PAG1: variants seen among roughly 807,000 people sequenced by gnomAD.
PAG1 encodes phosphoprotein membrane anchor with glycosphingolipid microdomains 1.
Under a neutral mutation model 31.7 loss-of-function variants are expected in PAG1, and 23 were observed. That is an observed-to-expected ratio of 0.73 (90% CI 0.52 to 1.03). PAG1 has a LOEUF of 1.03. Among genes scored for constraint, PAG1 ranks in the 50% least tolerant of loss-of-function variants. The probability of loss-of-function intolerance (pLI) is 0.00; values close to 1 mark genes in which losing one functional copy is unlikely to be tolerated. For missense variants in PAG1, 473 were observed against 540.7 expected, an observed-to-expected ratio of 0.87 and a Z score of 1.24; for synonymous variants, 214 against 210.3, an observed-to-expected ratio of 1.02 and a Z score of -0.15.
At chr8:81,024,952 G>T (rs1808249953) in intron 3 of PAG1, among the ~76,000 whole-genome samples, 1 of 151,824 alleles carries the variant, frequency 6.6e-6, no homozygotes, top group African/African-American at 2.4e-5. Context: ...AACTCTTCTG[G>T]AACAAAACAG....
intron 3 of PAG1, among the ~76,000 whole-genome samples, chr8:80,996,876 G>A (rs1177413251): frequency 6.6e-6 from 1 of 152,236 alleles, no homozygotes; most frequent in Non-Finnish European, 1.5e-5. Context: ...GGGGGAGACA[G>A]TAAGCGGATA....
At chr8:81,019,743 G>C (rs145566635) in intron 3 of PAG1, among the ~76,000 whole-genome samples, 47 of 152,330 alleles carry the variant, frequency 3.1e-4, no homozygotes, top group Non-Finnish European at 6.2e-4. Flanking sequence ...AGAAAATGTG[G>C]AGTTGATACC....
At chr8:81,057,172 A>G (rs1057100523) in intron 2 of PAG1, among the ~76,000 whole-genome samples, 2 of 152,184 alleles carry the variant, frequency 1.3e-5, no homozygotes, top group Non-Finnish European at 1.5e-5. Context: ...CGATTCCTCA[A>G]GGGTCTAGAA....
chr8:81,092,376 T>C (rs1024293663), intron 1 of PAG1, among the ~76,000 whole-genome samples: 1 of 152,154 alleles, frequency 6.6e-6, no homozygotes, highest in Non-Finnish European at 1.5e-5. Flanking sequence ...AAAGCAAGAC[T>C]CTGTCTCAAA....
At chr8:81,000,206 T>A (rs1807760335) in intron 3 of PAG1, among the ~76,000 whole-genome samples, 1 of 152,164 alleles carries the variant, frequency 6.6e-6, no homozygotes, top group South Asian at 2.1e-4. Context: ...TCCCACCATA[T>A]TCCTAGCACC....
chr8:81,037,505 C>A (rs917072859), intron 2 of PAG1, among the ~76,000 whole-genome samples: 5 of 152,176 alleles, frequency 3.3e-5, no homozygotes, highest in African/African-American at 9.7e-5. Flanking sequence ...GAAAAGAAAT[C>A]TTTCTTGTTG....
chr8:81,096,220 G>T (rs563352940), intron 1 of PAG1, among the ~76,000 whole-genome samples: 2 of 152,132 alleles, frequency 1.3e-5, no homozygotes, highest in African/African-American at 2.4e-5. Context: ...CACTCATGTT[G>T]TAAGTGTTCT....
chr8:81,085,681 G>A (rs941900114), intron 1 of PAG1, among the ~76,000 whole-genome samples: 4 of 152,212 alleles, frequency 2.6e-5, no homozygotes, highest in Non-Finnish European at 5.9e-5. Flanking sequence ...AAGGACACAT[G>A]ACACATCCTT....
intron 1 of PAG1, among the ~76,000 whole-genome samples, chr8:81,087,711 C>T (rs1288167006): frequency 6.6e-6 from 1 of 152,174 alleles, no homozygotes; most frequent in Non-Finnish European, 1.5e-5. Context: ...AGAACAAGCC[C>T]AGCTAATGTT....
At chr8:81,065,601 T>C (rs1408347958) in intron 2 of PAG1, among the ~76,000 whole-genome samples, 2 of 152,066 alleles carry the variant, frequency 1.3e-5, no homozygotes, top group Non-Finnish European at 2.9e-5. Flanking sequence ...AGACTGCTAA[T>C]AAAAAACTGG....
In PAG1 at chr8:81,032,515, C is replaced by G. The variant is rs72674039; in HGVS notation, c.-174-2426G>C. Among the ~76,000 whole-genome samples, 429 of 152,278 alleles carry G rather than the reference C, an allele frequency of 2.8e-3. 1 individual carries two copies. The highest frequency in any genetic ancestry group is 3.6e-3 in the Non-Finnish European group (245 of 68,014). On this transcript the variant is annotated intron_variant, in intron 2 of 8. Transcript: ENST00000220597. ...AGTGCAAATCAACCACAATGAGATACCACTTCATACCTTCCTAGTGATTTG... is the reference window on the plus strand; with the variant it reads ...AGTGCAAATCAACCACAATGAGATAGCACTTCATACCTTCCTAGTGATTTG...
chr8:81,050,642 C>T (rs1204247479), intron 2 of PAG1, among the ~76,000 whole-genome samples: 18 of 152,068 alleles, frequency 1.2e-4, no homozygotes, highest in Admixed American at 1.2e-3. Context: ...AATTCATGTG[C>T]GGTAAATACA....
At position 81,000,862 on chromosome 8, in the gene PAG1, C is replaced by G. The variant is rs184013779; in HGVS notation, c.-80-7555G>C. On this transcript the variant is annotated intron_variant, in intron 3 of 8. Coordinates refer to ENST00000220597, the MANE Select transcript of PAG1 (RefSeq NM_018440.4). ...ACCGTAATATCAGTGTCTTCATCCCCCGCAGCAGGCCTGTCAACTCCAGTA... is the reference window on the plus strand; with the variant it reads ...ACCGTAATATCAGTGTCTTCATCCCGCGCAGCAGGCCTGTCAACTCCAGTA... Among the ~76,000 whole-genome samples the G allele has an allele frequency of 3.2e-4, 49 of 152,266 alleles. 1 individual carries two copies. In the East Asian group the frequency reaches 8.9e-3, roughly 28 times the overall value.
chr8:81,063,538 G>GT (rs1004552462), intron 2 of PAG1, among the ~76,000 whole-genome samples: 11 of 151,574 alleles, frequency 7.3e-5, no homozygotes, highest in African/African-American at 9.7e-5. Flanking sequence ...ATTTTTTAAA[G>GT]TTTTTTTTTA....
chr8:81,077,466 C>A (rs1236877517), intron 1 of PAG1, among the ~76,000 whole-genome samples: 3 of 152,214 alleles, frequency 2.0e-5, no homozygotes, highest in Admixed American at 2.0e-4. Flanking sequence ...GCAGGGAACA[C>A]TGCAATAATG....
At chr8:81,026,389 G>C (rs1450022959) in intron 3 of PAG1, among the ~76,000 whole-genome samples, 1 of 150,020 alleles carries the variant, frequency 6.7e-6, no homozygotes, top group African/African-American at 2.5e-5. Flanking sequence ...AAGAGTGTCA[G>C]TAAGTGTTTA....
At chr8:81,065,417 C>T (rs1808987221) in intron 2 of PAG1, among the ~76,000 whole-genome samples, 1 of 151,970 alleles carries the variant, frequency 6.6e-6, no homozygotes, top group Non-Finnish European at 1.5e-5. Context: ...GTGAAATCTG[C>T]CAATTTCTCA....
At chr8:81,038,828 C>T (rs1486156119) in intron 2 of PAG1, among the ~76,000 whole-genome samples, 2 of 152,100 alleles carry the variant, frequency 1.3e-5, no homozygotes, top group Non-Finnish European at 2.9e-5. Flanking sequence ...ATATGTATGA[C>T]ATTTAGTTTC....
intron 3 of PAG1, among the ~76,000 whole-genome samples, chr8:81,002,190 C>A (rs1032474917): frequency 2.0e-5 from 3 of 151,636 alleles, no homozygotes; most frequent in Non-Finnish European, 4.4e-5. Flanking sequence ...TATTTGGCTT[C>A]TGAGGGCAGT....
Sources: gnomAD v4.1 joint callset for allele counts (sites outside exome capture counted in the v4.1 genomes callset) on GRCh38, gnomAD v4.1.1 for gene constraint, MANE v1.5 for transcripts, NCBI Gene and HGNC (gene_info 2026-07-23, HGNC 2026-07-21) for gene names.